Variants in ZBTB33 observed in about 807,000 individuals in gnomAD.
ZBTB33 encodes zinc finger and BTB domain containing 33, also known as transcriptional regulator Kaiso.
A neutral mutation model predicts 25.9 loss-of-function variants in ZBTB33; 11 were observed. The ratio of observed to expected loss-of-function variants is 0.42; its 90% CI spans 0.27 to 0.70. ZBTB33 has a LOEUF of 0.70. ZBTB33 is among the 30% of genes least tolerant of loss of function. The pLI, the probability that ZBTB33 is intolerant of heterozygous loss-of-function variation, is 0.23. For missense variants in ZBTB33, 343 were observed against 501.1 expected, an observed-to-expected ratio of 0.68 and a Z score of 3.01; for synonymous variants, 157 against 184.8, an observed-to-expected ratio of 0.85 and a Z score of 1.22.
rs1348626132 is a variant in ZBTB33 at position 120,258,153 on chromosome X, T to G, written c.*2719T>G. ...TTGTACCAAAAAGATAAAAAAATGG[T>G]AAACACTGATCAAGGTATTTTGTAT... On this transcript the variant is annotated 3_prime_UTR_variant, in exon 3 of 3. Transcript: ENST00000557385. 1.6e-5 allele frequency: 2 copies of G among 123,279 alleles called. No individual in the cohort carries two copies. The highest frequency in any genetic ancestry group is 1.9e-4 in the Admixed American group (2 of 10,589). The allele number at this position is 123,279 out of a possible 1,213,427, so 10.2% of individuals were successfully genotyped here. A position where few individuals can be genotyped will look rare whatever the true frequency, so the allele number is the denominator to read the frequency against.
chrX:120,256,596 G>A lies in ZBTB33; in HGVS notation c.*1162G>A. 8.2e-6 allele frequency: 1 copy of A among 122,300 alleles called. No homozygotes were observed. The highest frequency in any genetic ancestry group is 2.8e-4 in the East Asian group (1 of 3,591). 10.1% of individuals were successfully genotyped at this position (122,300 alleles called of 1,213,427 possible). A position where few individuals can be genotyped will look rare whatever the true frequency, so the allele number is the denominator to read the frequency against. ...AAACTACATAAGGAATGTTATATAG[G>A]CTTGTCAGTTCCCATTTTTCTTGAC... is the stretch of plus-strand genomic sequence containing the variant. On this transcript the variant is annotated 3_prime_UTR_variant, in exon 3 of 3. Coordinates refer to ENST00000557385, the MANE Select transcript of ZBTB33 (RefSeq NM_001184742.2).
rs75782705 is a variant in ZBTB33 at position 120,254,091 on chromosome X, A to G, written c.676A>G (p.Ile226Val). The change falls in exon 3 of 3, where the codon ATT (isoleucine) becomes GTT (valine). Residue 226 changes from isoleucine to valine, a missense_variant. This residue lies in a region of ZBTB33 where 304 missense variants were observed against 410.0 expected (regional missense o/e 0.74). Transcript: ENST00000557385. ...QVQSNPGPVA[I>V]SDVAPSASNN... ...CCAATCTAACCCAGGCCCTGTTGCT[A>G]TTTCAGATGTTGCACCTAGTGCTAG... 1,669 of 1,209,229 alleles carry G rather than the reference A, an allele frequency of 1.4e-3. 19 individuals are homozygous for G. In the African/African-American group the frequency reaches 0.026, roughly 19 times the overall value.
chrX:120,252,773 A>G lies in ZBTB33; in HGVS notation c.-3+3A>G, dbSNP rs782696939. Reference sequence around the variant, plus strand: ...AGGGGATGAAGAAAGAGGAAAGGGTAAGAAAGATGTTTAATAGTTTATCAA... The same window carrying G: ...AGGGGATGAAGAAAGAGGAAAGGGTGAGAAAGATGTTTAATAGTTTATCAA... On this transcript the variant is annotated splice_donor_region_variant and intron_variant, in intron 2 of 2. Coordinates refer to ENST00000557385, the MANE Select transcript of ZBTB33 (RefSeq NM_001184742.2). 12 of 112,070 alleles carry G rather than the reference A, an allele frequency of 1.1e-4. No individual in the cohort carries two copies. The highest frequency in any genetic ancestry group is 3.9e-4 in the African/African-American group (12 of 30,876). 9.2% of individuals were successfully genotyped at this position (112,070 alleles called of 1,213,427 possible). A position where few individuals can be genotyped will look rare whatever the true frequency, so the allele number is the denominator to read the frequency against.
In ZBTB33 at chrX:120,258,246, C is replaced by T. The variant is rs1475553339; in HGVS notation, c.*2812C>T. On this transcript the variant is annotated 3_prime_UTR_variant, in exon 3 of 3. Transcript: ENST00000557385. ...CAGCACTGGCTTTCTGGCTGGTCAA[C>T]TATATGAAACCTTGTTCATTCCTCC... 1.6e-5 allele frequency: 2 copies of T among 123,235 alleles called. No homozygotes were observed. The highest frequency in any genetic ancestry group is 3.8e-5 in the Non-Finnish European group (2 of 53,188). The allele number at this position is 123,235 out of a possible 1,213,427, so 10.2% of individuals were successfully genotyped here. A position where few individuals can be genotyped will look rare whatever the true frequency, so the allele number is the denominator to read the frequency against.
intron 1 of ZBTB33, among the ~76,000 whole-genome samples, chrX:120,251,203 G>A: frequency 9.0e-6 from 1 of 111,675 alleles, no homozygotes; most frequent in East Asian, 2.9e-4. Context: ...AGGGGCTGCC[G>A]GTGCCCTGGG....
chrX:120,253,956 A>G lies in ZBTB33; in HGVS notation c.541A>G (p.Lys181Glu), dbSNP rs2035750577. The change falls in exon 3 of 3, where the codon AAA becomes GAA. Residue 181 changes from lysine to glutamate, a missense_variant. Transcript: ENST00000557385. Reference protein sequence around the residue: ...FSLSAEDYEMKKIIVTDSDDD... With the variant: ...FSLSAEDYEMEKIIVTDSDDD... ...ATTATCTGCCGAAGATTATGAAATG[A>G]AAAAGATCATTGTTACCGATTCTGA... is the stretch of plus-strand genomic sequence containing the variant. 8.4e-7 allele frequency: 1 copy of G among 1,196,023 alleles called. No homozygotes were observed. Among genetic ancestry groups the G allele is most frequent in the Non-Finnish European group, 1.1e-6 (1 of 888,792 alleles).
Position 120,254,080 on chromosome X carries a change from G to A in ZBTB33, c.665G>A (p.Gly222Asp). 8.3e-7 allele frequency: 1 copy of A among 1,211,073 alleles called. No homozygotes were observed. The highest frequency in any genetic ancestry group is 1.1e-6 in the Non-Finnish European group (1 of 895,347). The change falls in exon 3 of 3, where the codon GGC (glycine) becomes GAC (aspartate). Residue 222 changes from glycine (G) to aspartate (D), a missense_variant. Transcript: ENST00000557385. ...GTGGCACAGGTCCAATCTAACCCAGGCCCTGTTGCTATTTCAGATGTTGCA... is the reference window on the plus strand; with the variant it reads ...GTGGCACAGGTCCAATCTAACCCAGACCCTGTTGCTATTTCAGATGTTGCA... The part of the protein sequence containing the change: ...NTVAQVQSNP[G>D]PVAISDVAPS...
chrX:120,253,871 A>T lies in ZBTB33; in HGVS notation c.456A>T (p.Ser152=), dbSNP rs1556014779. The change falls in exon 3 of 3, where the codon TCA becomes TCT. Residue 152 remains serine, a synonymous_variant. Transcript: ENST00000557385. Reference sequence around the variant, plus strand: ...ACAAGAACCTTGTAATACAGAAATCAAAAGATGAAGCCCAAGATAATGGGG... The same window carrying T: ...ACAAGAACCTTGTAATACAGAAATCTAAAGATGAAGCCCAAGATAATGGGG... The part of the protein sequence containing the change: ...SGDKNLVIQK[S]KDEAQDNGAT... 1 of 1,209,598 alleles carries T rather than the reference A, an allele frequency of 8.3e-7. No homozygotes were observed.
At position 120,257,918 on chromosome X, in the gene ZBTB33, T is replaced by C. The variant is rs1556015786; in HGVS notation, c.*2484T>C. ...AAATTTGCTCCTATGCTAAATTACC[T>C]GTAAATATTCTGGATAGGAACTACT... On this transcript the variant is annotated 3_prime_UTR_variant, in exon 3 of 3. Coordinates refer to ENST00000557385, the MANE Select transcript of ZBTB33 (RefSeq NM_001184742.2). The C allele has an allele frequency of 8.1e-6, 1 of 123,424 alleles. No homozygotes were observed. The highest frequency in any genetic ancestry group is 1.9e-5 in the Non-Finnish European group (1 of 53,159). 10.2% of individuals were successfully genotyped at this position (123,424 alleles called of 1,213,427 possible).
intron 1 of ZBTB33, 67 bp downstream of exon 1, chrX:120,251,044 C>G (rs2057595921): frequency 1.8e-5 from 2 of 112,567 alleles, no homozygotes; most frequent in African/African-American, 6.4e-5. Flanking sequence ...CCCTGGGCCG[C>G]GCCTGCGTTT....
Position 120,253,663 on chromosome X carries a change from A to G in ZBTB33, c.248A>G (p.Asn83Ser), listed in dbSNP as rs1556014705. 8.3e-7 allele frequency: 1 copy of G among 1,211,962 alleles called. No homozygotes were observed. The highest frequency in any genetic ancestry group is 2.2e-5 in the Admixed American group (1 of 46,087). ...GCAGAGATCTTTGCAGAAATTCTCA[A>G]TTATATCTATAGTTCTAAAATTGTT... ...IRAEIFAEIL[N>S]YIYSSKIVRV... Residue 83 changes from asparagine (N) to serine (S), a missense_variant, in exon 3 of 3, where the codon AAT (asparagine) becomes AGT (serine). Transcript: ENST00000557385.
rs59686094 is a variant in ZBTB33 at position 120,253,978 on chromosome X, C to CTGATGATGA, written c.575_583dup (p.Asp192_Asp194dup). The stretch of plus-strand genomic sequence containing the variant: ...ATGAAAAAGATCATTGTTACCGATT[C>CTGATGATGA]TGATGATGATGATGATGATGTCATT... On this transcript the variant is annotated inframe_insertion, in exon 3 of 3. Coordinates refer to ENST00000557385, the MANE Select transcript of ZBTB33 (RefSeq NM_001184742.2). 1.3e-5 allele frequency: 15 copies of CTGATGATGA among 1,172,067 alleles called. No homozygotes were observed. The highest frequency in any genetic ancestry group is 7.4e-5 in the South Asian group (4 of 53,756).
In ZBTB33 at chrX:120,253,457, C is replaced by T. The variant is rs1465956217; in HGVS notation, c.42C>T (p.Tyr14=). The change falls in exon 3 of 3, where the codon TAC becomes TAT. Residue 14 remains tyrosine, a synonymous_variant. Coordinates refer to ENST00000557385, the MANE Select transcript of ZBTB33 (RefSeq NM_001184742.2). Reference sequence around the variant, plus strand: ...TGATTTCTGCTACAGACATTCAGTACTCTGGCAGTCTGCTGAACTCCTTGA... The same window carrying T: ...TGATTTCTGCTACAGACATTCAGTATTCTGGCAGTCTGCTGAACTCCTTGA... ...RKLISATDIQ[Y]SGSLLNSLNE... The T allele has an allele frequency of 8.3e-7, 1 of 1,210,343 alleles. No homozygotes were observed. The highest frequency in any genetic ancestry group is 1.1e-6 in the Non-Finnish European group (1 of 895,273).
chrX:120,253,407 C>T lies in ZBTB33; in HGVS notation c.-2-7C>T. 2.5e-6 allele frequency: 3 copies of T among 1,196,560 alleles called. No homozygotes were observed. The highest frequency in any genetic ancestry group is 3.4e-6 in the Non-Finnish European group (3 of 886,475). ...CTCTCCCATCCCCTCCTCTCTTTCT[C>T]TTAAAGGCATGGAGAGTAGAAAACT... On this transcript the variant is annotated splice_polypyrimidine_tract_variant and splice_region_variant and intron_variant, in intron 2 of 2. Transcript: ENST00000557385.
Position 120,255,454 on chromosome X carries a change from A to G in ZBTB33, c.*20A>G. The G allele has an allele frequency of 8.7e-7, 1 of 1,150,358 alleles. No individual in the cohort carries two copies. Among genetic ancestry groups the G allele is most frequent in the Non-Finnish European group, 1.2e-6 (1 of 854,051 alleles). 94.8% of individuals were successfully genotyped at this position (1,150,358 alleles called of 1,213,427 possible). A position where few individuals can be genotyped will look rare whatever the true frequency, so the allele number is the denominator to read the frequency against. On this transcript the variant is annotated 3_prime_UTR_variant, in exon 3 of 3. Transcript: ENST00000557385. ...TACTAAACTCCTTTGAAATACTAGA[A>G]AGTTTTGTTTTGGATGATGGGGCAG...
chrX:120,253,578 A>G lies in ZBTB33; in HGVS notation c.163A>G (p.Thr55Ala). Reference protein sequence around the residue: ...AHKNILSASSTYFHQLFSVAG... With the variant: ...AHKNILSASSAYFHQLFSVAG... ...CAAGAATATTCTTTCAGCTTCTAGT[A>G]CCTACTTCCATCAGCTCTTCTCTGT... The change falls in exon 3 of 3, where the codon ACC becomes GCC. Residue 55 changes from threonine (T) to alanine (A), a missense_variant. Thr to Ala is a moderately conservative substitution (Grantham distance 58, BLOSUM62 0). This residue lies in a region of ZBTB33 where 39 missense variants were observed against 91.1 expected (regional missense o/e 0.43). Transcript: ENST00000557385. 8.3e-7 allele frequency: 1 copy of G among 1,212,045 alleles called. No individual in the cohort carries two copies. The highest frequency in any genetic ancestry group is 3.0e-5 in the East Asian group (1 of 33,865).
Position 120,254,248 on chromosome X carries a change from C to G in ZBTB33, c.833C>G (p.Pro278Arg), listed in dbSNP as rs782085862. The change falls in exon 3 of 3, where the codon CCC (proline) becomes CGC (arginine). Residue 278 changes from proline (P) to arginine (R), a missense_variant. Pro to Arg is a moderately radical substitution (Grantham distance 103). This residue lies in a region of ZBTB33 where 304 missense variants were observed against 410.0 expected (regional missense o/e 0.74). Coordinates refer to ENST00000557385, the MANE Select transcript of ZBTB33 (RefSeq NM_001184742.2). ...LVSSAPTHLTPNIILLNQTPL... is the reference protein window; with the variant it reads ...LVSSAPTHLTRNIILLNQTPL... ...TCTTCAGCTCCAACACATCTGACTC[C>G]CAATATTATTTTGTTAAATCAGACA... 1 of 1,211,745 alleles carries G rather than the reference C, an allele frequency of 8.3e-7. No individual in the cohort carries two copies. The highest frequency in any genetic ancestry group is 2.2e-5 in the Admixed American group (1 of 46,032).
At position 120,255,724 on chromosome X, in the gene ZBTB33, GTCTGAATGT is replaced by G; in HGVS notation, c.*294_*302del. 3.9e-6 allele frequency: 1 copy of G among 256,138 alleles called. No homozygotes were observed. The allele number at this position is 256,138 out of a possible 1,213,427, so 21.1% of individuals were successfully genotyped here. ...AGTTTCCTGAATAGAATTTGAAGCA[GTCTGAATGT>G]TCTTTGAAAATAACTGGAGTTATTA... is the stretch of plus-strand genomic sequence containing the variant. On this transcript the variant is annotated 3_prime_UTR_variant, in exon 3 of 3. Coordinates refer to ENST00000557385, the MANE Select transcript of ZBTB33 (RefSeq NM_001184742.2).
chrX:120,254,097 G>C lies in ZBTB33; in HGVS notation c.682G>C (p.Asp228His). ...QSNPGPVAIS[D>H]VAPSASNNSP... ...TAACCCAGGCCCTGTTGCTATTTCA[G>C]ATGTTGCACCTAGTGCTAGCAATAA... is the stretch of plus-strand genomic sequence containing the variant. The change falls in exon 3 of 3, where the codon GAT (aspartate) becomes CAT (histidine). Residue 228 changes from aspartate (D) to histidine (H), a missense_variant. Around this residue, in one of 2 missense-constraint regions of ZBTB33, gnomAD observed 304 missense variants for 410.0 expected, o/e 0.74. Coordinates refer to ENST00000557385, the MANE Select transcript of ZBTB33 (RefSeq NM_001184742.2). 8.3e-7 allele frequency: 1 copy of C among 1,211,399 alleles called. No individual in the cohort carries two copies. The highest frequency in any genetic ancestry group is 1.1e-6 in the Non-Finnish European group (1 of 895,430).
Sources: allele counts gnomAD v4.1 joint callset (sites outside exome capture counted in the v4.1 genomes callset), GRCh38; gene constraint gnomAD v4.1.1; regional missense constraint gnomAD v4.1.1; transcripts MANE v1.5; gene names NCBI Gene and HGNC (gene_info 2026-07-23, HGNC 2026-07-21).